Variants in TMPRSS15 observed in about 807,000 individuals in gnomAD.
TMPRSS15 encodes the protein transmembrane serine protease 15.
TMPRSS15 carries 128 observed loss-of-function variants against 125.3 expected under a neutral mutation model. The observed-to-expected ratio is 1.02, with a 90% CI of 0.89 to 1.18. The LOEUF is 1.18. Ranked by LOEUF, TMPRSS15 falls within the 50% of genes most tolerant of loss-of-function variation. TMPRSS15 has a pLI of 0.00. For synonymous variants in TMPRSS15, 446 were observed against 423.2 expected (o/e 1.05, Z -0.66); for missense variants, 1,283 against 1,212.7 (o/e 1.06, Z -0.86).
intron 15 of TMPRSS15, among the ~76,000 whole-genome samples, chr21:18,327,465 G>T (rs929557936): frequency 1.3e-5 from 2 of 152,032 alleles, no homozygotes; most frequent in Non-Finnish European, 2.9e-5. Flanking sequence ...TCTATGTGTG[G>T]CTCCCAAAAT....
intron 22 of TMPRSS15, among the ~76,000 whole-genome samples, chr21:18,280,537 C>CTGCACTCCA (rs2074679844): frequency 7.0e-6 from 1 of 143,106 alleles, no homozygotes; most frequent in Non-Finnish European, 1.5e-5. Context: ...GACTGTGCCA[C>CTGCACTCCA]TGCACTCCAG....
chr21:18,289,519 T>C (rs1197759945), intron 21 of TMPRSS15, among the ~76,000 whole-genome samples: 2 of 152,184 alleles, frequency 1.3e-5, no homozygotes, highest in African/African-American at 4.8e-5. Flanking sequence ...TCTCAATAAA[T>C]AAATAAATGA....
At chr21:18,386,675 T>A (rs2075946980) in intron 3 of TMPRSS15, among the ~76,000 whole-genome samples, 1 of 152,210 alleles carries the variant, frequency 6.6e-6, no homozygotes, top group Non-Finnish European at 1.5e-5. Context: ...CAGGATTGAT[T>A]GTGGTTAAAA....
At chr21:18,376,834 A>C (rs1460622476) in intron 5 of TMPRSS15, among the ~76,000 whole-genome samples, 1 of 152,212 alleles carries the variant, frequency 6.6e-6, no homozygotes, top group East Asian at 1.9e-4. Flanking sequence ...GCTGAATGAT[A>C]GAGCATAATC....
In TMPRSS15 at chr21:18,372,205, T is replaced by C; in HGVS notation, c.652A>G (p.Asn218Asp). 6.2e-7 allele frequency: 1 copy of C among 1,609,308 alleles called. No individual in the cohort carries two copies. Among genetic ancestry groups the C allele is most frequent in the Non-Finnish European group, 8.5e-7 (1 of 1,177,110 alleles). ...VNCPDGSDED[N>D]KMCATVCDGR... ...GGGGAGAACTTACCACACATTTTAT[T>C]GTCTTCGTCAGAACCATCTGGACAG... is the stretch of plus-strand genomic sequence containing the variant. The change falls in exon 6 of 25, where the codon AAT (asparagine) becomes GAT (aspartate). Residue 218 changes from asparagine to aspartate, a missense_variant. Physicochemically the swap from Asn to Asp is conservative, Grantham distance 23. Transcript: ENST00000284885.
At chr21:18,420,920 A>G (rs1461261012) in intron 1 of TMPRSS15, among the ~76,000 whole-genome samples, 1 of 152,200 alleles carries the variant, frequency 6.6e-6, no homozygotes, top group Non-Finnish European at 1.5e-5. Context: ...ATCATTCCTA[A>G]ATATCATCCT....
At chr21:18,393,974 A>G (rs902181766) in intron 3 of TMPRSS15, among the ~76,000 whole-genome samples, 3 of 152,180 alleles carry the variant, frequency 2.0e-5, no homozygotes, top group Non-Finnish European at 1.5e-5. Context: ...GTCTGTTTCT[A>G]AGTAAGCCCT....
chr21:18,311,394 A>G (rs950393920), intron 18 of TMPRSS15, among the ~76,000 whole-genome samples: 2 of 152,220 alleles, frequency 1.3e-5, no homozygotes, highest in Admixed American at 6.5e-5. Flanking sequence ...GACAAGAAAT[A>G]AAAACATATA....
intron 13 of TMPRSS15, among the ~76,000 whole-genome samples, chr21:18,337,328 TC>T (rs2075402003): frequency 1.3e-5 from 2 of 152,262 alleles, no homozygotes; most frequent in South Asian, 4.1e-4. Flanking sequence ...TTTTTGTTTT[TC>T]TTTTTAATTA....
intron 1 of TMPRSS15, among the ~76,000 whole-genome samples, chr21:18,432,372 AG>A (rs2076217817): frequency 6.6e-6 from 1 of 152,144 alleles, no homozygotes; most frequent in Admixed American, 6.6e-5. Flanking sequence ...TGTCATGTTA[AG>A]GGTTGAATTG....
chr21:18,343,552 T>C lies in TMPRSS15; in HGVS notation c.1382A>G (p.Asn461Ser). ...VFQKEGNYGD[N>S]WNYGQVTLNE... The stretch of plus-strand genomic sequence containing the variant: ...TAGGGTTACTTGTCCATAATTCCAA[T>C]TGTCTCCATAATTTCCTTCCTTTTG... The change falls in exon 12 of 25, where the codon AAT becomes AGT. Residue 461 changes from asparagine (N) to serine (S), a missense_variant. Asn to Ser is a conservative substitution (Grantham distance 46). Transcript: ENST00000284885. 6.2e-7 allele frequency: 1 copy of C among 1,613,398 alleles called. No individual in the cohort carries two copies. Among genetic ancestry groups the C allele is most frequent in the Non-Finnish European group, 8.5e-7 (1 of 1,179,456 alleles).
At chr21:18,307,963 T>C (rs2075054648) in intron 18 of TMPRSS15, among the ~76,000 whole-genome samples, 1 of 152,158 alleles carries the variant, frequency 6.6e-6, no homozygotes, top group Non-Finnish European at 1.5e-5. Flanking sequence ...AAGTGATGAA[T>C]TGAGACACAA....
At chr21:18,315,357 C>A in intron 16 of TMPRSS15, 101 bp from the exon 17 acceptor site, 4 of 968,734 alleles carry the variant, frequency 4.1e-6, no homozygotes, top group Non-Finnish European at 6.4e-6. Flanking sequence ...GAGTCCTTTG[C>A]CACAGCTCAA....
chr21:18,304,650 C>T (rs145064627), intron 18 of TMPRSS15, among the ~76,000 whole-genome samples: 67 of 152,240 alleles, frequency 4.4e-4, no homozygotes, highest in African/African-American at 1.5e-3. Flanking sequence ...CAGATATATT[C>T]ATATCATATT....
chr21:18,399,880 A>G (rs923601429), intron 1 of TMPRSS15, among the ~76,000 whole-genome samples: 1 of 152,132 alleles, frequency 6.6e-6, no homozygotes, highest in African/African-American at 2.4e-5. Context: ...ACTTCAGCAA[A>G]GTTTCAGGAT....
At chr21:18,312,055 A>T (rs548537189) in intron 18 of TMPRSS15, among the ~76,000 whole-genome samples, 1 of 152,244 alleles carries the variant, frequency 6.6e-6, no homozygotes, top group Non-Finnish European at 1.5e-5. Flanking sequence ...TTAATATGAC[A>T]AACAAACTTT....
At chr21:18,329,659 A>G (rs1313520586) in intron 14 of TMPRSS15, among the ~76,000 whole-genome samples, 1 of 151,466 alleles carries the variant, frequency 6.6e-6, no homozygotes, top group Non-Finnish European at 1.5e-5. Context: ...ATTTTCCATG[A>G]TCAAATTTAG....
intron 1 of TMPRSS15, among the ~76,000 whole-genome samples, chr21:18,475,149 T>C (rs974610639): frequency 6.6e-6 from 1 of 151,960 alleles, no homozygotes; most frequent in Non-Finnish European, 1.5e-5. Context: ...ATCAATCCAA[T>C]AGAGATTCGA....
intron 18 of TMPRSS15, among the ~76,000 whole-genome samples, chr21:18,310,926 A>G (rs1371366364): frequency 7.7e-6 from 1 of 129,100 alleles, no homozygotes; most frequent in African/African-American, 2.8e-5. Context: ...TTTACAGCCC[A>G]CTGATTCTTT....
Sources: gnomAD v4.1 joint callset for allele counts (sites outside exome capture counted in the v4.1 genomes callset) on GRCh38, gnomAD v4.1.1 for gene constraint, MANE v1.5 for transcripts, NCBI Gene and HGNC (gene_info 2026-07-23, HGNC 2026-07-21) for gene names.